ZNF280D: variants seen among roughly 807,000 people sequenced by gnomAD.
ZNF280D encodes the protein suppressor of hairy wing homolog 4.
ZNF280D carries 39 observed loss-of-function variants against 94.7 expected under a neutral mutation model. That is an observed-to-expected ratio of 0.41 (90% CI 0.32 to 0.54). ZNF280D has a LOEUF of 0.54. ZNF280D is among the 20% of genes least tolerant of loss of function. ZNF280D has a pLI of 0.22. For missense variants in ZNF280D, 1,090 were observed against 1,149.3 expected (o/e 0.95, Z 0.75); for synonymous variants, 398 against 377.6 (o/e 1.05, Z -0.63).
intron 21 of ZNF280D, chr15:56,634,280 T>G (rs560286886): frequency 1.3e-3 from 17 of 13,558 alleles, no homozygotes; most frequent in African/African-American, 5.3e-3. Context: ...CAATTACATA[T>G]GGAAAAAATT....
chr15:56,675,433 CTT>C (rs201611250), intron 13 of ZNF280D, among the ~76,000 whole-genome samples: 13 of 147,104 alleles, frequency 8.8e-5, no homozygotes, highest in African/African-American at 2.0e-4. Flanking sequence ...GATGAAGATA[CTT>C]TTTTTTTTTT....
intron 16 of ZNF280D, among the ~76,000 whole-genome samples, chr15:56,662,534 G>A (rs2054011569): frequency 6.6e-6 from 1 of 151,896 alleles, no homozygotes; most frequent in Non-Finnish European, 1.5e-5. Context: ...TACAATAAAA[G>A]GCAAAATAGG....
intron 1 of ZNF280D, among the ~76,000 whole-genome samples, chr15:56,710,277 G>A (rs1035413988): frequency 2.6e-5 from 4 of 152,152 alleles, no homozygotes; most frequent in Non-Finnish European, 5.9e-5. Context: ...GGTGGCACAC[G>A]CCTGTAGTCC....
At chr15:56,690,730 C>A (rs1014359801) in intron 7 of ZNF280D, among the ~76,000 whole-genome samples, 1 of 151,978 alleles carries the variant, frequency 6.6e-6, no homozygotes, top group Non-Finnish European at 1.5e-5. Flanking sequence ...AAATAACATA[C>A]AACTGTACTT....
At chr15:56,731,188 A>C (rs1346264198) in intron 1 of ZNF280D, among the ~76,000 whole-genome samples, 1 of 152,186 alleles carries the variant, frequency 6.6e-6, no homozygotes, top group Non-Finnish European at 1.5e-5. Context: ...ATTCTGAAAG[A>C]CTACAGACCA....
intron 3 of ZNF280D, among the ~76,000 whole-genome samples, chr15:56,706,283 T>C (rs562614470): frequency 6.7e-6 from 1 of 150,276 alleles, no homozygotes; most frequent in South Asian, 2.1e-4. Context: ...GATACCAGCC[T>C]GGCCAACATG....
At chr15:56,721,219 T>C (rs12442018) in intron 1 of ZNF280D, among the ~76,000 whole-genome samples, 84,742 of 151,866 alleles carry the variant, frequency 0.56, 24,378 homozygotes, top group Non-Finnish European at 0.63. Flanking sequence ...GATCCACCCA[T>C]CTCCACCTCC....
chr15:56,727,560 T>C (rs2058686518), intron 1 of ZNF280D, among the ~76,000 whole-genome samples: 1 of 152,348 alleles, frequency 6.6e-6, no homozygotes, highest in Middle Eastern at 3.4e-3. Context: ...GACTCTCAAT[T>C]GCCTTCAACT....
At chr15:56,730,716 C>T (rs1428545165) in intron 1 of ZNF280D, 1 of 152,188 alleles carries the variant, frequency 6.6e-6, no homozygotes, top group African/African-American at 2.4e-5. Context: ...AGAAGCATTC[C>T]AAGTTCCCTA....
At chr15:56,731,576 T>A (rs1335899209) in intron 1 of ZNF280D, among the ~76,000 whole-genome samples, 1 of 146,964 alleles carries the variant, frequency 6.8e-6, no homozygotes, top group East Asian at 2.1e-4. Context: ...GAATATATAC[T>A]ACACCACGTT....
intron 1 of ZNF280D, among the ~76,000 whole-genome samples, chr15:56,730,779 T>TA (rs2141527936): frequency 6.6e-6 from 1 of 152,338 alleles, no homozygotes; most frequent in Admixed American, 6.5e-5. Context: ...TTCTTCTTCC[T>TA]AACTTCCAAA....
At chr15:56,641,947 G>A (rs1413084510) in intron 20 of ZNF280D, among the ~76,000 whole-genome samples, 2 of 151,522 alleles carry the variant, frequency 1.3e-5, no homozygotes, top group Admixed American at 6.6e-5. Flanking sequence ...TTTACAACAT[G>A]TTTAAAATTA....
At chr15:56,730,516 T>C (rs1408245787) in intron 1 of ZNF280D, 1 of 152,240 alleles carries the variant, frequency 6.6e-6, no homozygotes, top group African/African-American at 2.4e-5. Flanking sequence ...ATTAGTAGCC[T>C]AACTGGACAG....
In ZNF280D at chr15:56,666,497, G is replaced by T. The variant is rs373418547; in HGVS notation, c.1892C>A (p.Ser631Tyr). The stretch of plus-strand genomic sequence containing the variant: ...GTGGTTTGCAAAATCTTTTATTTCG[G>T]AACAACACTCAATGCATTTGTGAAT... Reference protein sequence around the residue: ...RGIHKCIECCSEIKDFANHFP... With the variant: ...RGIHKCIECCYEIKDFANHFP... The change falls in exon 16 of 22, where the codon TCC becomes TAC. Residue 631 changes from serine to tyrosine, a missense_variant. Around this residue, in one of 3 missense-constraint regions of ZNF280D, gnomAD observed 577 missense variants for 568.8 expected, o/e 1.01. Coordinates refer to ENST00000267807, the MANE Select transcript of ZNF280D (RefSeq NM_017661.4). 24 of 1,601,188 alleles carry T rather than the reference G, an allele frequency of 1.5e-5. No homozygotes were observed. Among genetic ancestry groups the T allele is most frequent in the African/African-American group, 4.1e-5 (3 of 73,898 alleles).
intron 10 of ZNF280D, among the ~76,000 whole-genome samples, chr15:56,681,599 T>G (rs777386310): frequency 6.6e-6 from 1 of 152,158 alleles, no homozygotes; most frequent in Non-Finnish European, 1.5e-5. Flanking sequence ...TTCACTCAAT[T>G]TCTTATTACT....
intron 19 of ZNF280D, chr15:56,653,830 A>C: frequency 1.6e-6 from 2 of 1,251,130 alleles, no homozygotes; most frequent in Non-Finnish European, 2.0e-6. Flanking sequence ...TAGACAGCGC[A>C]AACTGGAGAA....
intron 13 of ZNF280D, 152 bp downstream of exon 13, chr15:56,676,518 T>C: frequency 1.8e-6 from 1 of 551,996 alleles, no homozygotes. Flanking sequence ...GAAGTGGAAT[T>C]TTCACAAGCA....
intron 1 of ZNF280D, among the ~76,000 whole-genome samples, chr15:56,725,944 A>G (rs2058612014): frequency 6.6e-6 from 1 of 152,226 alleles, no homozygotes; most frequent in African/African-American, 2.4e-5. Context: ...ATAAAACCAG[A>G]AAAACAGGAA....
At position 56,689,072 on chromosome 15, in the gene ZNF280D, T is replaced by A. The variant is rs572441784; in HGVS notation, c.749A>T (p.Asn250Ile). The part of the protein sequence containing the change: ...RACPKCNIHF[N>I]LLDPLKNHMK... ...GTGATTTTTCAAAGGATCCAAAAGA[T>A]TGAAATGAATGTTGCACTTTGGACA... Residue 250 changes from asparagine (N) to isoleucine (I), a missense_variant, in exon 9 of 22, where the codon AAT (asparagine) becomes ATT (isoleucine). By Grantham distance (149) the Asn-to-Ile change is moderately radical. This residue lies in a region of ZNF280D where 386 missense variants were observed against 372.0 expected (regional missense o/e 1.04). Coordinates refer to ENST00000267807, the MANE Select transcript of ZNF280D (RefSeq NM_017661.4). 4.4e-5 allele frequency: 70 copies of A among 1,608,412 alleles called. 1 individual carries two copies. The Admixed American group carries it at 1.2e-3, about 27-fold the overall frequency.
Sources: allele counts gnomAD v4.1 joint callset (sites outside exome capture counted in the v4.1 genomes callset), GRCh38; gene constraint gnomAD v4.1.1; regional missense constraint gnomAD v4.1.1; transcripts MANE v1.5; gene names NCBI Gene and HGNC (gene_info 2026-07-23, HGNC 2026-07-21).